TRPV6: variants seen among roughly 807,000 people sequenced by gnomAD.
TRPV6 encodes transient receptor potential cation channel subfamily V member 6.
A neutral mutation model predicts 79.0 loss-of-function variants in TRPV6; 39 were observed. The observed-to-expected ratio is 0.49, with a 90% confidence interval of 0.38 to 0.64. The LOEUF (loss-of-function observed/expected upper bound fraction) is 0.64, where lower values mean the gene tolerates loss of function less well. Among genes scored for constraint, TRPV6 ranks in the 30% least tolerant of loss-of-function variants. The pLI, the probability that TRPV6 is intolerant of heterozygous loss-of-function variation, is 0.00. For missense variants in TRPV6, 813 were observed against 1,011.1 expected, an observed-to-expected ratio of 0.80 and a Z score of 2.66; for synonymous variants, 373 against 391.9, an observed-to-expected ratio of 0.95 and a Z score of 0.57.
In TRPV6 at chr7:142,873,901, C is replaced by T; in HGVS notation, c.1639+175G>A. The T allele has an allele frequency of 9.3e-7, 1 of 1,074,300 alleles. No individual in the cohort carries two copies. Among genetic ancestry groups the T allele is most frequent in the Non-Finnish European group, 1.3e-6 (1 of 741,698 alleles). The allele number at this position is 1,074,300 out of a possible 1,614,324, so 66.5% of individuals were successfully genotyped here. A position where few individuals can be genotyped will look rare whatever the true frequency, so the allele number is the denominator to read the frequency against. ...GCCTCATCTTGATCCTAAGAGCCAC[C>T]TCTCCCTAACACTCCCGATTTTTCT... On this transcript the variant is annotated intron_variant, in intron 12 of 14. Coordinates refer to ENST00000359396, the MANE Select transcript of TRPV6 (RefSeq NM_018646.6). The surrounding 1 kb of genome is among the most constrained non-coding windows in gnomAD (Gnocchi z 4.8).
In TRPV6 at chr7:142,875,885, T is replaced by G. The variant is rs1394968185; in HGVS notation, c.902A>C (p.Gln301Pro). The change falls in exon 7 of 15, where the codon CAG becomes CCG. Residue 301 changes from glutamine to proline, a missense_variant. Gln to Pro is a moderately conservative substitution (Grantham distance 76). Around this residue, in one of 3 missense-constraint regions of TRPV6, gnomAD observed 555 missense variants for 631.0 expected, o/e 0.88. Coordinates refer to ENST00000359396, the MANE Select transcript of TRPV6 (RefSeq NM_018646.6). ...CGTCCACTGGGTGTGCTTCCGCTTC[T>G]GCATCAGGTGCTGAAACATCTAAGG... 6.3e-7 allele frequency: 1 copy of G among 1,587,626 alleles called. No homozygotes were observed. Among genetic ancestry groups the G allele is most frequent in the African/African-American group, 1.4e-5 (1 of 73,844 alleles).
At chr7:142,884,032 C>A in intron 1 of TRPV6, 1 of 152,560 alleles carries the variant, frequency 6.6e-6, no homozygotes. Flanking sequence ...GAATCTCCAC[C>A]ACCCCTTCCA....
intron 14 of TRPV6, 44 bp downstream of exon 14, chr7:142,872,328 C>T (rs775381271): frequency 5.6e-6 from 9 of 1,598,456 alleles, no homozygotes; most frequent in Admixed American, 1.7e-5. Flanking sequence ...GATACCCTGC[C>T]GATGAGGCTT....
At chr7:142,872,069 G>C in intron 14 of TRPV6, 80 bp from the exon 15 acceptor site, 3 of 1,503,004 alleles carry the variant, frequency 2.0e-6, no homozygotes, top group Non-Finnish European at 2.7e-6. Flanking sequence ...GTTATCCCCT[G>C]GTCCTCCCAT....
intron 4 of TRPV6, 143 bp downstream of exon 4, chr7:142,876,999 C>T: frequency 1.4e-6 from 2 of 1,443,488 alleles, no homozygotes; most frequent in Non-Finnish European, 1.9e-6. Flanking sequence ...AAATTGGCCT[C>T]TAGTCTAATT....
chr7:142,875,703 G>A (rs1795050088), intron 7 of TRPV6, 23 bp from the exon 8 acceptor site: 2 of 1,605,922 alleles, frequency 1.2e-6, no homozygotes, highest in Non-Finnish European at 1.7e-6. Flanking sequence ...GAGAACAGGT[G>A]GCTCAGAGAC....
rs535714851 is a variant in TRPV6 at position 142,878,348 on chromosome 7, A to G, written c.249-322T>C. 1,035 of 386,648 alleles carry G rather than the reference A, an allele frequency of 2.7e-3. 30 individuals are homozygous for G. The highest frequency in any genetic ancestry group is 0.026 in the South Asian group (986 of 37,374). The allele number at this position is 386,648 out of a possible 1,614,324, so 24.0% of individuals were successfully genotyped here. On this transcript the variant is annotated intron_variant, in intron 1 of 14. Coordinates refer to ENST00000359396, the MANE Select transcript of TRPV6 (RefSeq NM_018646.6). ...TTCAGGTACGGAGGGGAGGAGTTCT[A>G]TGTAGACATGTGCTTACCTGCTAAC...
At chr7:142,876,298 G>C (rs1795066701) in intron 6 of TRPV6, 110 bp downstream of exon 6, 1 of 1,451,042 alleles carries the variant, frequency 6.9e-7, no homozygotes. Context: ...TCTGAGTTGA[G>C]AATGGGATCT....
chr7:142,876,607 G>A (rs1433850277), intron 5 of TRPV6, 24 bp from the exon 6 acceptor site: 3 of 1,613,582 alleles, frequency 1.9e-6, no homozygotes, highest in Admixed American at 1.7e-5. Flanking sequence ...AGGGTATCAT[G>A]TGGCCACTGG....
In TRPV6 at chr7:142,873,427, C is replaced by T. The variant is rs765795989; in HGVS notation, c.1908+21G>A. ...GAAGGGGATGACTTGCCCTAACCCT[C>T]CCTGCCACCAGGGGGCTCACCTGGG... is the stretch of plus-strand genomic sequence containing the variant. On this transcript the variant is annotated intron_variant, in intron 13 of 14. Coordinates refer to ENST00000359396, the MANE Select transcript of TRPV6 (RefSeq NM_018646.6). This position sits in a 1 kb window ranked among gnomAD's most constrained non-coding sequence, Gnocchi z 4.8. 6.2e-7 allele frequency: 1 copy of T among 1,611,438 alleles called. No homozygotes were observed. Among genetic ancestry groups the T allele is most frequent in the Non-Finnish European group, 8.5e-7 (1 of 1,178,284 alleles).
In TRPV6 at chr7:142,875,757, C is replaced by T. The variant is rs1795051933; in HGVS notation, c.1029+1G>A. 2.5e-6 allele frequency: 4 copies of T among 1,601,626 alleles called. No homozygotes were observed. Among genetic ancestry groups the T allele is most frequent in the Non-Finnish European group, 1.7e-6 (2 of 1,173,216 alleles). On this transcript the variant is annotated splice_donor_variant, in intron 7 of 14. Transcript: ENST00000359396. LOFTEE classifies it high-confidence loss of function. ...CCACAGCCTGCTGTCATGAGCCATA[C>T]CTCCCGCTTCTTGGTGGTGATGATA... is the stretch of plus-strand genomic sequence containing the variant.
chr7:142,884,479 C>A (rs1266685822), intron 1 of TRPV6: 1 of 152,286 alleles, frequency 6.6e-6, no homozygotes, highest in Non-Finnish European at 1.5e-5. Context: ...TAGCATGCCA[C>A]CAACTGGGTA....
chr7:142,871,658 A>G lies in TRPV6; in HGVS notation c.*49T>C, dbSNP rs769280799. The G allele has an allele frequency of 6.5e-7, 1 of 1,540,560 alleles. No homozygotes were observed. Among genetic ancestry groups the G allele is most frequent in the South Asian group, 1.3e-5 (1 of 78,554 alleles). On this transcript the variant is annotated 3_prime_UTR_variant, in exon 15 of 15. Transcript: ENST00000359396. ...GTTTGGTTTTTGTTTTGTTTGATGC[A>G]CCCAGGAAAATGAGAGCAAGTTCCA...
At chr7:142,880,446 C>G (rs1335497506) in intron 1 of TRPV6, 1 of 152,228 alleles carries the variant, frequency 6.6e-6, no homozygotes, top group African/African-American at 2.4e-5. Flanking sequence ...ACTAACTCTT[C>G]CCTGCCCTCC....
Position 142,872,377 on chromosome 7 carries a change from G to C in TRPV6, c.2010C>G (p.Phe670Leu), listed in dbSNP as rs764949918. The change falls in exon 14 of 15, where the codon TTC becomes TTG. Residue 670 changes from phenylalanine to leucine, a missense_variant. Phe to Leu is a conservative substitution (Grantham distance 22). Around this residue, in one of 3 missense-constraint regions of TRPV6, gnomAD observed 164 missense variants for 186.1 expected, o/e 0.88. Transcript: ENST00000359396. ...TACCCCCGCATATCACTCACCGCAG[G>C]AACCAGCGGTCTCCCAGGCCATACT... 6.2e-7 allele frequency: 1 copy of C among 1,614,176 alleles called. No individual in the cohort carries two copies. Among genetic ancestry groups the C allele is most frequent in the Admixed American group, 1.7e-5 (1 of 60,024 alleles).
intron 1 of TRPV6, 124 bp downstream of exon 1, chr7:142,885,265 C>G: frequency 2.5e-6 from 3 of 1,213,076 alleles, no homozygotes; most frequent in East Asian, 2.4e-5. Context: ...GGAGCCAGTC[C>G]GGGCCTGGGA....
rs759410481 is a variant in TRPV6, at chr7:142,872,424, G to A, written c.1963C>T (p.Arg655Cys). ...TACTCCCGTCCGCAGATCCCGGAGC[G>A]AGGCCACAGGCAGCGAGGCAGCTTC... is the stretch of plus-strand genomic sequence containing the variant. Residue 655 changes from arginine (R) to cysteine (C), a missense_variant, in exon 14 of 15, where the codon CGC becomes TGC. Arg to Cys is a radical substitution (Grantham distance 180). Transcript: ENST00000359396. The A allele has an allele frequency of 6.2e-6, 10 of 1,614,222 alleles. No homozygotes were observed. Among genetic ancestry groups the A allele is most frequent in the Middle Eastern group, 1.6e-4 (1 of 6,062 alleles).
chr7:142,885,464 T>C lies in TRPV6; in HGVS notation c.173A>G (p.Lys58Arg), dbSNP rs1795285896. The stretch of plus-strand genomic sequence containing the variant: ...CCGTCTCTGGAACCATCTGCAGAAC[T>C]TGCTCCATAGGCAGAGAATTAGCCC... Residue 58 changes from lysine (K) to arginine (R), a missense_variant, in exon 1 of 15, where the codon AAG becomes AGG. Lys to Arg is a conservative substitution (Grantham distance 26). Coordinates refer to ENST00000359396, the MANE Select transcript of TRPV6 (RefSeq NM_018646.6). 1 of 1,613,822 alleles carries C rather than the reference T, an allele frequency of 6.2e-7. No individual in the cohort carries two copies. The highest frequency in any genetic ancestry group is 8.5e-7 in the Non-Finnish European group (1 of 1,179,916).
chr7:142,877,408 C>G (rs1795099358), intron 3 of TRPV6, 129 bp from the exon 4 acceptor site: 2 of 1,497,024 alleles, frequency 1.3e-6, no homozygotes, highest in Non-Finnish European at 8.9e-7. Flanking sequence ...CTCGGGTGTT[C>G]AGGATTCCCA....
Sources: gnomAD v4.1 joint callset for allele counts on GRCh38, gnomAD v4.1.1 for gene constraint, gnomAD v4.1.1 regional missense constraint, Gnocchi (gnomAD v3.1) non-coding constraint, MANE v1.5 for transcripts, NCBI Gene and HGNC (gene_info 2026-07-23, HGNC 2026-07-21) for gene names.